The following KLHL3 variants were observed in gnomAD, a reference collection of about 807,000 sequenced individuals.
KLHL3 encodes kelch like family member 3.
In KLHL3, 19 loss-of-function variants were observed where a neutral mutation model predicts 70.5. The ratio of observed to expected loss-of-function variants is 0.27; its 90% CI spans 0.19 to 0.40. The LOEUF is 0.40. Ranked by LOEUF, KLHL3 falls within the 10% of genes least tolerant of loss-of-function variation. KLHL3 has a pLI of 1.00. For missense variants in KLHL3, 512 were observed against 771.1 expected (o/e 0.66, Z 3.98); for synonymous variants, 258 against 290.3 (o/e 0.89, Z 1.13).
At chr5:137,649,786 T>C (rs1580732126) in intron 8 of KLHL3, among the ~76,000 whole-genome samples, 1 of 152,210 alleles carries the variant, frequency 6.6e-6, no homozygotes, top group African/African-American at 2.4e-5. Flanking sequence ...TGGCACATGA[T>C]AAGTGCTCAG....
At chr5:137,626,122 C>T (rs1313148991) in intron 13 of KLHL3, among the ~76,000 whole-genome samples, 2 of 152,092 alleles carry the variant, frequency 1.3e-5, no homozygotes, top group African/African-American at 4.8e-5. Context: ...TTTCTCTGAC[C>T]AGGGAGTTTT....
chr5:137,726,143 G>A (rs1351539546), intron 1 of KLHL3, among the ~76,000 whole-genome samples: 1 of 152,098 alleles, frequency 6.6e-6, no homozygotes, highest in Non-Finnish European at 1.5e-5. Context: ...CTGCACACAG[G>A]TCTCTTCGGG....
chr5:137,698,200 T>G, intron 4 of KLHL3, 87 bp downstream of exon 4: 2 of 1,521,364 alleles, frequency 1.3e-6, no homozygotes, highest in Non-Finnish European at 1.8e-6. Context: ...ACCAACTGAA[T>G]TGTTGTGAGG....
chr5:137,679,019 A>G (rs1751957794), intron 5 of KLHL3, among the ~76,000 whole-genome samples: 1 of 144,734 alleles, frequency 6.9e-6, no homozygotes, highest in Non-Finnish European at 1.5e-5. Flanking sequence ...ATCAAAACAA[A>G]AAAAGCCTTT....
chr5:137,633,106 C>T (rs1750678507), intron 12 of KLHL3, among the ~76,000 whole-genome samples: 2 of 151,746 alleles, frequency 1.3e-5, no homozygotes, highest in African/African-American at 4.8e-5. Context: ...GGGTGAAACC[C>T]CAACTCTACT....
At chr5:137,659,245 C>G (rs1466653056) in intron 7 of KLHL3, among the ~76,000 whole-genome samples, 1 of 152,106 alleles carries the variant, frequency 6.6e-6, no homozygotes, top group East Asian at 1.9e-4. Context: ...AATTTCTGAC[C>G]CTGAAGAATT....
chr5:137,694,212 C>T (rs1752392107), intron 4 of KLHL3, among the ~76,000 whole-genome samples: 1 of 152,168 alleles, frequency 6.6e-6, no homozygotes, highest in African/African-American at 2.4e-5. Context: ...ACTTCTCTCT[C>T]ACGACAGCTG....
intron 6 of KLHL3, 54 bp from the exon 7 acceptor site, chr5:137,662,085 C>T (rs1467764835): frequency 9.6e-6 from 6 of 623,220 alleles, no homozygotes; most frequent in Non-Finnish European, 1.6e-5. Flanking sequence ...AGCTTTCAAA[C>T]AACCCTCAAT....
At chr5:137,667,495 C>T (rs1751641762) in intron 6 of KLHL3, among the ~76,000 whole-genome samples, 1 of 152,170 alleles carries the variant, frequency 6.6e-6, no homozygotes, top group South Asian at 2.1e-4. Flanking sequence ...AATCAGATTC[C>T]ATAGCTCCCA....
At chr5:137,642,543 A>G (rs1192046981) in intron 8 of KLHL3, among the ~76,000 whole-genome samples, 1 of 152,264 alleles carries the variant, frequency 6.6e-6, no homozygotes, top group African/African-American at 2.4e-5. Context: ...TCACCAAGAT[A>G]ACTCCATATA....
At chr5:137,709,651 C>G in intron 3 of KLHL3, 99 bp downstream of exon 3, 17 of 913,582 alleles carry the variant, frequency 1.9e-5, no homozygotes, top group Non-Finnish European at 2.9e-5. Flanking sequence ...GGGCTAATGG[C>G]TTTCTCTTTC....
In KLHL3 at chr5:137,639,194, T is replaced by C. The variant is rs781409293; in HGVS notation, c.1022-44A>G. On this transcript the variant is annotated intron_variant, in intron 9 of 14. Transcript: ENST00000309755. This position sits in a 1 kb window ranked among gnomAD's most constrained non-coding sequence, Gnocchi z 5.0. The stretch of plus-strand genomic sequence containing the variant: ...AGACATCAAGGTCAGGTCAGGCGCA[T>C]GACTGCTCATGTTGATGGATGGCAA... 11 of 1,579,844 alleles carry C rather than the reference T, an allele frequency of 7.0e-6. No individual in the cohort carries two copies. Among genetic ancestry groups the C allele is most frequent in the Non-Finnish European group, 9.5e-6 (11 of 1,154,886 alleles).
chr5:137,643,576 A>G (rs1293276374), intron 8 of KLHL3, among the ~76,000 whole-genome samples: 2 of 152,142 alleles, frequency 1.3e-5, no homozygotes, highest in Non-Finnish European at 2.9e-5. Context: ...TAGGCATAGG[A>G]AACTCAATTT....
At chr5:137,669,129 C>A (rs1032881211) in intron 6 of KLHL3, among the ~76,000 whole-genome samples, 3 of 152,114 alleles carry the variant, frequency 2.0e-5, no homozygotes, top group African/African-American at 7.2e-5. Context: ...ATTTGCCTGA[C>A]ATTACCCAAC....
intron 1 of KLHL3, chr5:137,725,129 A>C (rs2149937428): frequency 1.2e-6 from 1 of 857,758 alleles, no homozygotes; most frequent in South Asian, 5.3e-5. Flanking sequence ...CCCAATCCCA[A>C]GCATTCTCAG....
chr5:137,656,165 T>G (rs1379104374), intron 8 of KLHL3, among the ~76,000 whole-genome samples: 1 of 150,984 alleles, frequency 6.6e-6, no homozygotes, highest in African/African-American at 2.4e-5. Context: ...ACTCAAACAA[T>G]ATGCCACCTT....
chr5:137,660,266 C>T (rs1463531823), intron 7 of KLHL3, among the ~76,000 whole-genome samples: 1 of 152,174 alleles, frequency 6.6e-6, no homozygotes, highest in Non-Finnish European at 1.5e-5. Context: ...GTTTGTTAAG[C>T]TTCAGTTGTG....
At chr5:137,723,551 T>C (rs1753037262) in intron 1 of KLHL3, among the ~76,000 whole-genome samples, 1 of 152,236 alleles carries the variant, frequency 6.6e-6, no homozygotes, top group South Asian at 2.1e-4. Context: ...TGTTATAGTT[T>C]ATAAAATGTA....
intron 6 of KLHL3, among the ~76,000 whole-genome samples, chr5:137,675,411 T>C (rs1412471397): frequency 1.3e-5 from 2 of 152,204 alleles, no homozygotes; most frequent in Non-Finnish European, 2.9e-5. Context: ...TAAAAACAGA[T>C]GATTGTGACA....
Sources: gnomAD v4.1 joint callset for allele counts (sites outside exome capture counted in the v4.1 genomes callset) on GRCh38, gnomAD v4.1.1 for gene constraint, Gnocchi (gnomAD v3.1) non-coding constraint, MANE v1.5 for transcripts, NCBI Gene and HGNC (gene_info 2026-07-23, HGNC 2026-07-21) for gene names.